Variants in PPP2R5D observed in about 807,000 individuals in gnomAD.
PPP2R5D encodes the protein protein phosphatase 2 regulatory subunit B'delta.
A neutral mutation model predicts 79.1 loss-of-function variants in PPP2R5D; 12 were observed. The observed-to-expected ratio is 0.15, with a 90% CI of 0.10 to 0.25. PPP2R5D has a LOEUF of 0.25. PPP2R5D is among the 10% of genes least tolerant of loss of function. PPP2R5D has a pLI of 1.00. For synonymous variants in PPP2R5D, 277 were observed against 286.6 expected (o/e 0.97, Z 0.34); for missense variants, 419 against 760.2 (o/e 0.55, Z 5.28).
chr6:43,004,631 G>T (rs141174741), intron 2 of PPP2R5D, among the ~76,000 whole-genome samples: 42 of 140,538 alleles, frequency 3.0e-4, no homozygotes, highest in Non-Finnish European at 3.0e-5. Flanking sequence ...TGGAAAATAA[G>T]TCCTCATCAT....
At chr6:43,011,119 A>G in intron 15 of PPP2R5D, 30 bp from the exon 16 acceptor site, 1 of 1,614,036 alleles carries the variant, frequency 6.2e-7, no homozygotes, top group Non-Finnish European at 8.5e-7. Flanking sequence ...ATTGGTCACC[A>G]TTCCTCACCT....
In PPP2R5D at chr6:43,012,150, G is replaced by A. The variant is rs1762381862; in HGVS notation, c.*864G>A. The A allele has an allele frequency of 2.9e-6, 3 of 1,025,850 alleles. No homozygotes were observed. The highest frequency in any genetic ancestry group is 3.4e-5 in the African/African-American group (2 of 59,294). 63.5% of individuals were successfully genotyped at this position (1,025,850 alleles called of 1,614,324 possible). A position where few individuals can be genotyped will look rare whatever the true frequency, so the allele number is the denominator to read the frequency against. ...TGCTATGCTGGGCAGGCCTTCTCTT[G>A]TCCCTTATAGGTACCTTGGAGGGGC... On this transcript the variant is annotated 3_prime_UTR_variant, in exon 16 of 16. Coordinates refer to ENST00000485511, the MANE Select transcript of PPP2R5D (RefSeq NM_006245.4).
At chr6:42,989,586 C>A in intron 1 of PPP2R5D, 25 bp from the exon 2 acceptor site, 1 of 1,589,188 alleles carries the variant, frequency 6.3e-7, no homozygotes, top group Non-Finnish European at 8.6e-7. Flanking sequence ...CATCTGCTAA[C>A]TTTACTTTCA....
At chr6:43,001,729 G>T (rs1010961275) in intron 2 of PPP2R5D, among the ~76,000 whole-genome samples, 1 of 151,716 alleles carries the variant, frequency 6.6e-6, no homozygotes, top group Non-Finnish European at 1.5e-5. Flanking sequence ...CTAAAAATAC[G>T]ACAAAAAATT....
In PPP2R5D at chr6:43,008,996, C is replaced by G. The variant is rs971769920; in HGVS notation, c.1081-61C>G. The G allele has an allele frequency of 3.2e-6, 5 of 1,571,148 alleles. No homozygotes were observed. Among genetic ancestry groups the G allele is most frequent in the Non-Finnish European group, 4.3e-6 (5 of 1,153,268 alleles). Reference sequence around the variant, plus strand: ...GTGGGGGAGAGAGCAGGTAGGAAAACTTCCTGGTGACCTAGGCAGGTGCAA... The same window carrying G: ...GTGGGGGAGAGAGCAGGTAGGAAAAGTTCCTGGTGACCTAGGCAGGTGCAA... On this transcript the variant is annotated intron_variant, in intron 10 of 15. Transcript: ENST00000485511. The surrounding 1 kb of genome is among the most constrained non-coding windows in gnomAD (Gnocchi z 4.2).
At chr6:42,990,773 G>A (rs1233776591) in intron 2 of PPP2R5D, among the ~76,000 whole-genome samples, 4 of 128,106 alleles carry the variant, frequency 3.1e-5, no homozygotes, top group Non-Finnish European at 4.7e-5. Context: ...GCAATGGTAC[G>A]ATCTCGGCTC....
chr6:43,004,569 CTTT>C (rs56194066), intron 2 of PPP2R5D, among the ~76,000 whole-genome samples: 3 of 125,100 alleles, frequency 2.4e-5, no homozygotes, highest in Admixed American at 8.1e-5. Flanking sequence ...TCTTTTCCTA[CTTT>C]TTTTTTTTTT....
At chr6:42,988,926 A>G (rs1286856017) in intron 1 of PPP2R5D, among the ~76,000 whole-genome samples, 1 of 152,184 alleles carries the variant, frequency 6.6e-6, no homozygotes, top group Non-Finnish European at 1.5e-5. Flanking sequence ...TGGGCAGGCC[A>G]GGGCTCTGAG....
chr6:42,991,479 T>G (rs1039891977), intron 2 of PPP2R5D, among the ~76,000 whole-genome samples: 1 of 152,188 alleles, frequency 6.6e-6, no homozygotes, highest in Non-Finnish European at 1.5e-5. Context: ...TTAGTTGCTG[T>G]TTTGGCACTC....
At position 43,011,307 on chromosome 6, in the gene PPP2R5D, G is replaced by A. The variant is rs200953295; in HGVS notation, c.*21G>A. 1 of 1,612,718 alleles carries A rather than the reference G, an allele frequency of 6.2e-7. No homozygotes were observed. The highest frequency in any genetic ancestry group is 8.5e-7 in the Non-Finnish European group (1 of 1,179,424). On this transcript the variant is annotated 3_prime_UTR_variant, in exon 16 of 16. Coordinates refer to ENST00000485511, the MANE Select transcript of PPP2R5D (RefSeq NM_006245.4). ...TCTGACCCCTCACGTTCCTACCACA[G>A]GGCCACAGCCCACACAGCCCTGGGA... is the stretch of plus-strand genomic sequence containing the variant.
Position 43,012,290 on chromosome 6 carries a change from C to T in PPP2R5D, c.*1004C>T, listed in dbSNP as rs548361608. 3.1e-5 allele frequency: 43 copies of T among 1,382,420 alleles called. No individual in the cohort carries two copies. In the Admixed American group the frequency reaches 1.2e-3, roughly 37 times the overall value. The allele number at this position is 1,382,420 out of a possible 1,614,324, so 85.6% of individuals were successfully genotyped here. The stretch of plus-strand genomic sequence containing the variant: ...GTGATACATGCTAAGGTGGGTTGGG[C>T]TTGGACCGATGTCCCCATATGTACA... On this transcript the variant is annotated 3_prime_UTR_variant, in exon 16 of 16. Transcript: ENST00000485511.
chr6:42,998,373 T>A (rs1318167835), intron 2 of PPP2R5D, among the ~76,000 whole-genome samples: 2 of 150,676 alleles, frequency 1.3e-5, no homozygotes, highest in Non-Finnish European at 3.0e-5. Flanking sequence ...GTGCCCAGCG[T>A]GGGTTTAATT....
rs541134664 is a variant in PPP2R5D at position 43,006,338 on chromosome 6, C to T, written c.106-125C>T. 1.5e-4 allele frequency: 211 copies of T among 1,453,252 alleles called. 1 individual carries two copies. The Admixed American group carries it at 1.6e-3, about 11-fold the overall frequency. 90.0% of individuals were successfully genotyped at this position (1,453,252 alleles called of 1,614,324 possible). On this transcript the variant is annotated intron_variant, in intron 2 of 15. Coordinates refer to ENST00000485511, the MANE Select transcript of PPP2R5D (RefSeq NM_006245.4). The surrounding 1 kb of genome is among the most constrained non-coding windows in gnomAD (Gnocchi z 4.7). Reference sequence around the variant, plus strand: ...TCTGTAACCCTGGCCTTAGCTCCTTCGGGGCAGGAGACAGCTGCTCACTGC... The same window carrying T: ...TCTGTAACCCTGGCCTTAGCTCCTTTGGGGCAGGAGACAGCTGCTCACTGC...
Position 42,984,580 on chromosome 6 carries a change from G to A in PPP2R5D, c.-98G>A, listed in dbSNP as rs1413579763. On this transcript the variant is annotated 5_prime_UTR_variant, in exon 1 of 16. Coordinates refer to ENST00000485511, the MANE Select transcript of PPP2R5D (RefSeq NM_006245.4). ...CCGCTCGACCCGGGCGCAGCGCGCA[G>A]GCGGTGGCGAAGAGACGCCGAGCGG... is the stretch of plus-strand genomic sequence containing the variant. 4.8e-6 allele frequency: 7 copies of A among 1,469,018 alleles called. No individual in the cohort carries two copies. The highest frequency in any genetic ancestry group is 1.4e-5 in the South Asian group (1 of 72,574). 91.0% of individuals were successfully genotyped at this position (1,469,018 alleles called of 1,614,324 possible). A position where few individuals can be genotyped will look rare whatever the true frequency, so the allele number is the denominator to read the frequency against.
chr6:42,997,505 T>A (rs1291702797), intron 2 of PPP2R5D, among the ~76,000 whole-genome samples: 3 of 150,394 alleles, frequency 2.0e-5, no homozygotes, highest in Non-Finnish European at 4.4e-5. Flanking sequence ...TTTATTTTTA[T>A]TTTTATTTTA....
At position 43,006,877 on chromosome 6, in the gene PPP2R5D, A is replaced by G; in HGVS notation, c.323-34A>G. The stretch of plus-strand genomic sequence containing the variant: ...AAGCAGGGCATCGCAGTGAAGGACT[A>G]CAGAGGAGAACCTGACTGCTGGGGC... On this transcript the variant is annotated intron_variant, in intron 3 of 15. Transcript: ENST00000485511. The surrounding 1 kb of genome is among the most constrained non-coding windows in gnomAD (Gnocchi z 4.7). 2 of 1,612,006 alleles carry G rather than the reference A, an allele frequency of 1.2e-6. No homozygotes were observed. The highest frequency in any genetic ancestry group is 1.7e-6 in the Non-Finnish European group (2 of 1,179,048).
At chr6:43,002,799 CT>C (rs1761831416) in intron 2 of PPP2R5D, among the ~76,000 whole-genome samples, 1 of 151,884 alleles carries the variant, frequency 6.6e-6, no homozygotes, top group African/African-American at 2.4e-5. Flanking sequence ...ATTTCAAGTT[CT>C]TCTATTATTA....
In PPP2R5D at chr6:43,007,416, C is replaced by T; in HGVS notation, c.636C>T (p.Leu212=). The change falls in exon 6 of 16, where the codon CTC becomes CTT. Residue 212 remains leucine (L), a splice_region_variant and synonymous_variant. Coordinates refer to ENST00000485511, the MANE Select transcript of PPP2R5D (RefSeq NM_006245.4). The surrounding 1 kb of genome is among the most constrained non-coding windows in gnomAD (Gnocchi z 4.5). ...GTGGCGTGCCTTTTCCCCTATAGCT[C>T]GTGTATGAGTTCTTCTTACGTTTCC... ...TLEAAWPHLQ[L]VYEFFLRFLE... is the part of the protein sequence containing the mutation. 1 of 1,612,280 alleles carries T rather than the reference C, an allele frequency of 6.2e-7. No individual in the cohort carries two copies. The highest frequency in any genetic ancestry group is 8.5e-7 in the Non-Finnish European group (1 of 1,178,294).
rs73434539 is a variant in PPP2R5D, at chr6:42,992,850, A to C, written c.105+3162A>C. Among the ~76,000 whole-genome samples the C allele has an allele frequency of 6.9e-3, 1,050 of 152,134 alleles. 9 individuals are homozygous for C. The highest frequency in any genetic ancestry group is 0.023 in the African/African-American group (952 of 41,504). ...AAAACAAAACAAAACAAATTATTAC[A>C]AATTGGGTGGCTTAAAACAATAGAA... On this transcript the variant is annotated intron_variant, in intron 2 of 15. Transcript: ENST00000485511.
Sources: allele counts gnomAD v4.1 joint callset (sites outside exome capture counted in the v4.1 genomes callset), GRCh38; gene constraint gnomAD v4.1.1; non-coding constraint Gnocchi (gnomAD v3.1); transcripts MANE v1.5; gene names NCBI Gene and HGNC (gene_info 2026-07-23, HGNC 2026-07-21).